RB1: variants seen among roughly 807,000 people sequenced by gnomAD.
RB1 encodes retinoblastoma-associated protein.
In RB1, 18 loss-of-function variants were observed where a neutral mutation model predicts 135.4. That is an observed-to-expected ratio of 0.13 (90% CI 0.09 to 0.20). The LOEUF (loss-of-function observed/expected upper bound fraction) is 0.20. Among genes scored for constraint, RB1 ranks in the 10% least tolerant of loss-of-function variants. The probability of loss-of-function intolerance (pLI) is 1.00; values close to 1 mark genes in which losing one functional copy is unlikely to be tolerated. For missense variants in RB1, 868 were observed against 1,110.0 expected, an observed-to-expected ratio of 0.78 and a Z score of 3.10; for synonymous variants, 365 against 373.2, an observed-to-expected ratio of 0.98 and a Z score of 0.25.
chr13:48,379,957 TAAAA>T (rs35427721), intron 14 of RB1, 92 bp from the exon 15 acceptor site: 1,183 of 367,340 alleles, frequency 3.2e-3, no homozygotes, highest in East Asian at 6.5e-3. Flanking sequence ...AGACACCATC[TAAAA>T]AAAAAAAAAA....
At chr13:48,364,685 T>C (rs986830475) in intron 8 of RB1, among the ~76,000 whole-genome samples, 1 of 152,092 alleles carries the variant, frequency 6.6e-6, no homozygotes, top group Non-Finnish European at 1.5e-5. Context: ...ATGCATGTGA[T>C]TGCACCTGTG....
At chr13:48,318,843 C>T (rs1165055845) in intron 2 of RB1, 2 of 988,094 alleles carry the variant, frequency 2.0e-6, no homozygotes, top group Non-Finnish European at 1.6e-6. Flanking sequence ...CAGCAAACTC[C>T]CCGACTATGC....
chr13:48,389,334 G>A (rs925950945), intron 17 of RB1, among the ~76,000 whole-genome samples: 6 of 152,006 alleles, frequency 3.9e-5, no homozygotes, highest in African/African-American at 1.4e-4. Flanking sequence ...GTTAAATGAA[G>A]GGGTGGGGAT....
chr13:48,348,699 C>T (rs1952519847), intron 5 of RB1, among the ~76,000 whole-genome samples: 2 of 146,784 alleles, frequency 1.4e-5, no homozygotes, highest in Admixed American at 1.4e-4. Context: ...TTTGCAGCTT[C>T]TCATGGTCAA....
At chr13:48,467,267 G>A (rs1172300025) in intron 23 of RB1, among the ~76,000 whole-genome samples, 1 of 125,304 alleles carries the variant, frequency 8.0e-6, no homozygotes, top group African/African-American at 2.9e-5. Flanking sequence ...CATTCTTAAA[G>A]AAAAGAATTT....
Position 48,307,327 on chromosome 13 carries a change from A to G in RB1, c.185A>G (p.Gln62Arg). The G allele has an allele frequency of 6.8e-6, 11 of 1,610,552 alleles. No individual in the cohort carries two copies. Among genetic ancestry groups the G allele is most frequent in the Non-Finnish European group, 9.3e-6 (11 of 1,176,946 alleles). ...GAACCTGATTTTACTGCATTATGTC[A>G]GAAATTAAAGATACCAGATCATGTC... ...TEEPDFTALC[Q>R]KLKIPDHVRE... Residue 62 changes from glutamine to arginine, a missense_variant, in exon 2 of 27, where the codon CAG becomes CGG. This residue lies in a region of RB1 where 641 missense variants were observed against 791.3 expected (regional missense o/e 0.81). Coordinates refer to ENST00000267163, the MANE Select transcript of RB1 (RefSeq NM_000321.3).
At chr13:48,418,048 T>A (rs914830140) in intron 17 of RB1, among the ~76,000 whole-genome samples, 1 of 152,134 alleles carries the variant, frequency 6.6e-6, no homozygotes, top group Non-Finnish European at 1.5e-5. Flanking sequence ...AAGATACTCC[T>A]CAAGAAGAGC....
At chr13:48,464,600 A>C (rs1949425324) in intron 21 of RB1, among the ~76,000 whole-genome samples, 2 of 152,194 alleles carry the variant, frequency 1.3e-5, no homozygotes, top group South Asian at 4.1e-4. Context: ...AGGCCAGAGA[A>C]TGTAGTCCAA....
chr13:48,375,984 C>T (rs530253694), intron 12 of RB1, among the ~76,000 whole-genome samples: 1 of 151,832 alleles, frequency 6.6e-6, no homozygotes, highest in South Asian at 2.1e-4. Context: ...GAGAATCATG[C>T]TGTGATTACT....
intron 17 of RB1, among the ~76,000 whole-genome samples, chr13:48,419,045 A>G (rs1175185718): frequency 1.3e-5 from 2 of 152,184 alleles, no homozygotes; most frequent in Admixed American, 1.3e-4. Flanking sequence ...GACCTAATAG[A>G]CATCTACAGA....
intron 2 of RB1, among the ~76,000 whole-genome samples, chr13:48,329,781 A>ATTG (rs1296781614): frequency 3.3e-5 from 5 of 152,192 alleles, no homozygotes; most frequent in Non-Finnish European, 5.9e-5. Flanking sequence ...ATTGTGTAGA[A>ATTG]TAAGAATGGT....
At chr13:48,320,301 C>T (rs1952223276) in intron 2 of RB1, 3 of 1,240,950 alleles carry the variant, frequency 2.4e-6, no homozygotes, top group African/African-American at 3.0e-5. Flanking sequence ...CCCGAGCAAC[C>T]CCGCTGCGCT....
rs193150533 is a variant in RB1, at chr13:48,391,692, C to A, written c.1695+10249C>A. On this transcript the variant is annotated intron_variant, in intron 17 of 26. Transcript: ENST00000267163. ...GGAGTGCAGTGGCGCGATCTTGGCT[C>A]ACTGCAACCTCCACCTCCTGGGTTC... Among the ~76,000 whole-genome samples the A allele has an allele frequency of 3.3e-3, 507 of 152,198 alleles. 4 individuals are homozygous for A. The highest frequency in any genetic ancestry group is 0.01 in the African/African-American group (425 of 41,518).
chr13:48,355,519 A>G (rs1426691113), intron 6 of RB1, among the ~76,000 whole-genome samples: 1 of 152,072 alleles, frequency 6.6e-6, no homozygotes, highest in African/African-American at 2.4e-5. Context: ...GAGGTTTCTC[A>G]AAAAAATTAA....
chr13:48,368,403 T>C, intron 10 of RB1, 124 bp from the exon 11 acceptor site: 1 of 1,248,478 alleles, frequency 8.0e-7, no homozygotes, highest in Non-Finnish European at 1.1e-6. Context: ...CTATCCTATC[T>C]ATTATTGAGT....
At chr13:48,323,668 T>C (rs1224484881) in intron 2 of RB1, among the ~76,000 whole-genome samples, 1 of 152,090 alleles carries the variant, frequency 6.6e-6, no homozygotes, top group Admixed American at 6.5e-5. Context: ...ACTTTTAGAA[T>C]TGCTTGTTCT....
At chr13:48,462,030 A>G (rs1385222878) in intron 20 of RB1, among the ~76,000 whole-genome samples, 2 of 151,946 alleles carry the variant, frequency 1.3e-5, no homozygotes, top group African/African-American at 4.8e-5. Flanking sequence ...ACGGGGTTTC[A>G]TTATGTTGGT....
At chr13:48,341,809 A>G (rs963814904) in intron 2 of RB1, among the ~76,000 whole-genome samples, 2 of 151,996 alleles carry the variant, frequency 1.3e-5, no homozygotes, top group African/African-American at 4.8e-5. Context: ...TTTTAGCTCT[A>G]TTGTAATCTC....
At chr13:48,477,531 A>G in intron 26 of RB1, 127 bp downstream of exon 26, 1 of 763,704 alleles carries the variant, frequency 1.3e-6, no homozygotes, top group Non-Finnish European at 2.2e-6. Context: ...TTAAAATATA[A>G]TTCAATCAAG....
Sources: gnomAD v4.1 joint callset for allele counts (sites outside exome capture counted in the v4.1 genomes callset) on GRCh38, gnomAD v4.1.1 for gene constraint, gnomAD v4.1.1 regional missense constraint, MANE v1.5 for transcripts, NCBI Gene and HGNC (gene_info 2026-07-23, HGNC 2026-07-21) for gene names.